NINL: variants seen among roughly 807,000 people sequenced by gnomAD.
NINL encodes ninein like.
In NINL, 153 loss-of-function variants were observed where a neutral mutation model predicts 160.3. The observed-to-expected ratio is 0.95, with a 90% CI of 0.84 to 1.09. The LOEUF is 1.09. Among genes scored for constraint, NINL ranks in the 50% least tolerant of loss-of-function variants. NINL has a pLI of 0.00. For missense variants in NINL, 1,829 were observed against 1,764.0 expected (o/e 1.04, Z -0.66); for synonymous variants, 800 against 734.8 (o/e 1.09, Z -1.43).
chr20:25,554,839 T>C (rs1430491837), intron 1 of NINL, among the ~76,000 whole-genome samples: 1 of 151,972 alleles, frequency 6.6e-6, no homozygotes, highest in Non-Finnish European at 1.5e-5. Context: ...AAAACCTGTG[T>C]CTGGTAACTG....
In NINL at chr20:25,489,296, G is replaced by A; in HGVS notation, c.1625C>T (p.Ala542Val). 1 of 1,613,990 alleles carries A rather than the reference G, an allele frequency of 6.2e-7. No homozygotes were observed. The highest frequency in any genetic ancestry group is 8.5e-7 in the Non-Finnish European group (1 of 1,179,994). Reference protein sequence around the residue: ...KLEPQSAELLAQEERFAAVLK... With the variant: ...KLEPQSAELLVQEERFAAVLK... ...GACTGCTGCGAACCGCTCCTCCTGGGCCAGGAGCTCTGCACTCTGTGGCTC... is the reference window on the plus strand; with the variant it reads ...GACTGCTGCGAACCGCTCCTCCTGGACCAGGAGCTCTGCACTCTGTGGCTC... Residue 542 changes from alanine (A) to valine (V), a missense_variant, in exon 13 of 24, where the codon GCC becomes GTC. Transcript: ENST00000278886.
At chr20:25,551,986 G>A (rs6132843) in intron 1 of NINL, among the ~76,000 whole-genome samples, 3,583 of 152,274 alleles carry the variant, frequency 0.024, 164 homozygotes, top group East Asian at 0.23. Context: ...GGAGGCCATC[G>A]GGAGGTATAC....
chr20:25,489,810 C>T (rs1044126686), intron 12 of NINL, 65 bp downstream of exon 12: 44 of 1,400,614 alleles, frequency 3.1e-5, no homozygotes, highest in South Asian at 8.1e-5. Context: ...TGGCCACCCC[C>T]GCCACCCCCA....
rs746171473 is a variant in NINL at position 25,482,031 on chromosome 20, G to A, written c.1747C>T (p.Arg583Trp). Residue 583 changes from arginine (R) to tryptophan (W), a missense_variant, in exon 14 of 24, where the codon CGG (arginine) becomes TGG (tryptophan). Coordinates refer to ENST00000278886, the MANE Select transcript of NINL (RefSeq NM_025176.6). Reference sequence around the variant, plus strand: ...TCCGGGCTCCATGAGGGGCTGTGCCGGTTCTTGGGCAGCCGCGCCCACAGG... The same window carrying A: ...TCCGGGCTCCATGAGGGGCTGTGCCAGTTCTTGGGCAGCCGCGCCCACAGG... Reference protein sequence around the residue: ...EGLWARLPKNRHSPSWSPDGR... With the variant: ...EGLWARLPKNWHSPSWSPDGR... The A allele has an allele frequency of 2.8e-5, 44 of 1,598,518 alleles. No homozygotes were observed. The highest frequency in any genetic ancestry group is 5.0e-5 in the Admixed American group (3 of 59,996).
rs147527748 is a variant in NINL at position 25,515,046 on chromosome 20, T to A, written c.278-2040A>T. ...AGAGTCCCCACTGGGCACTGCCTAG[T>A]GGAGCTGTGAGAAAAGGGTCACTGT... On this transcript the variant is annotated intron_variant, in intron 3 of 23. Coordinates refer to ENST00000278886, the MANE Select transcript of NINL (RefSeq NM_025176.6). 4.4e-3 allele frequency among the ~76,000 whole-genome samples: 669 copies of A among 152,274 alleles called. 7 individuals are homozygous for A. Among genetic ancestry groups the A allele is most frequent in the African/African-American group, 0.016 (652 of 41,572 alleles).
intron 10 of NINL, 65 bp from the exon 11 acceptor site, chr20:25,491,590 C>A: frequency 6.5e-7 from 1 of 1,547,976 alleles, no homozygotes; most frequent in Non-Finnish European, 8.8e-7. Flanking sequence ...CCACGCCACC[C>A]CCTTCCTAGC....
intron 2 of NINL, among the ~76,000 whole-genome samples, chr20:25,520,350 T>C (rs1042891069): frequency 6.6e-6 from 1 of 152,254 alleles, no homozygotes; most frequent in Non-Finnish European, 1.5e-5. Context: ...GGTCCAAGCA[T>C]GCTTCCAAAA....
intron 1 of NINL, among the ~76,000 whole-genome samples, chr20:25,549,954 T>G (rs1204235593): frequency 6.6e-6 from 1 of 152,060 alleles, no homozygotes; most frequent in African/African-American, 2.4e-5. Flanking sequence ...GCCACAAGAA[T>G]GAAATAAAGT....
chr20:25,455,863 C>T (rs1039854677), intron 22 of NINL, 77 bp from the exon 23 acceptor site: 200 of 1,162,496 alleles, frequency 1.7e-4, no homozygotes, highest in Non-Finnish European at 2.2e-4. Context: ...GAGGCCGAGG[C>T]GGGCGGATCA....
chr20:25,558,704 G>C (rs6132844), intron 1 of NINL, among the ~76,000 whole-genome samples: 147,929 of 152,328 alleles, frequency 0.97, 71,970 homozygotes, highest in Non-Finnish European at 1. Flanking sequence ...TTTTAAAATA[G>C]TTACTTCCCA....
intron 1 of NINL, among the ~76,000 whole-genome samples, chr20:25,552,830 A>G (rs2147100996): frequency 6.6e-6 from 1 of 152,374 alleles, no homozygotes; most frequent in Non-Finnish European, 1.5e-5. Context: ...AGCTTGGAGG[A>G]CAAGTTTGCG....
At chr20:25,584,172 A>G (rs2065203288) in intron 1 of NINL, among the ~76,000 whole-genome samples, 1 of 152,142 alleles carries the variant, frequency 6.6e-6, no homozygotes. Flanking sequence ...AACAAAAACA[A>G]AACAAAACAA....
chr20:25,563,726 A>G (rs1172599502), intron 1 of NINL, among the ~76,000 whole-genome samples: 4 of 152,224 alleles, frequency 2.6e-5, no homozygotes, highest in African/African-American at 9.6e-5. Context: ...TGAGACAGCC[A>G]TATTAATATG....
Position 25,510,727 on chromosome 20 carries a change from T to A in NINL, c.464A>T (p.Asp155Val), listed in dbSNP as rs1434829332. The A allele has an allele frequency of 6.2e-7, 1 of 1,613,710 alleles. No homozygotes were observed. Among genetic ancestry groups the A allele is most frequent in the South Asian group, 1.1e-5 (1 of 91,048 alleles). The change falls in exon 5 of 24, where the codon GAT (aspartate) becomes GTT (valine). Residue 155 changes from aspartate to valine, a missense_variant. Asp to Val is a radical substitution (Grantham distance 152). Coordinates refer to ENST00000278886, the MANE Select transcript of NINL (RefSeq NM_025176.6). ...SLESVESPKSDEEAESTKEAQ... is the reference protein window; with the variant it reads ...SLESVESPKSVEEAESTKEAQ... ...TTCTTTAGTGCTCTCGGCCTCTTCA[T>A]CTGACTTGGGACTCTGTAGAAAGAT...
At position 25,504,107 on chromosome 20, in the gene NINL, A is replaced by C. The variant is rs1323382551; in HGVS notation, c.709-3T>G. 1 of 1,561,540 alleles carries C rather than the reference A, an allele frequency of 6.4e-7. No homozygotes were observed. Among genetic ancestry groups the C allele is most frequent in the Admixed American group, 1.9e-5 (1 of 53,358 alleles). On this transcript the variant is annotated splice_region_variant and splice_polypyrimidine_tract_variant and intron_variant, in intron 6 of 23. Transcript: ENST00000278886. ...TTGTTAAACAGGTCTTCGAGTTCCTAAACAAAAGCCGTCATATCTCAGGCC... is the reference window on the plus strand; with the variant it reads ...TTGTTAAACAGGTCTTCGAGTTCCTCAACAAAAGCCGTCATATCTCAGGCC...
intron 1 of NINL, among the ~76,000 whole-genome samples, chr20:25,565,848 C>A (rs779509341): frequency 6.6e-6 from 1 of 152,178 alleles, no homozygotes; most frequent in Non-Finnish European, 1.5e-5. Context: ...ATCTGCTGAG[C>A]TGCCATGCAC....
At chr20:25,484,786 T>C (rs1465788900) in intron 13 of NINL, among the ~76,000 whole-genome samples, 1 of 152,200 alleles carries the variant, frequency 6.6e-6, no homozygotes, top group African/African-American at 2.4e-5. Context: ...GAATCACCAG[T>C]GATGCTAAAT....
At chr20:25,472,174 A>G (rs2063109203) in intron 17 of NINL, among the ~76,000 whole-genome samples, 1 of 151,906 alleles carries the variant, frequency 6.6e-6, no homozygotes, top group Admixed American at 6.6e-5. Context: ...AGCTGAAAGA[A>G]AGAGATACTG....
intron 17 of NINL, among the ~76,000 whole-genome samples, chr20:25,474,467 A>C (rs1488390078): frequency 6.6e-6 from 1 of 152,262 alleles, no homozygotes; most frequent in Non-Finnish European, 1.5e-5. Context: ...CACGGACAGC[A>C]GACATTCCAA....
Sources: allele counts gnomAD v4.1 joint callset (sites outside exome capture counted in the v4.1 genomes callset), GRCh38; gene constraint gnomAD v4.1.1; transcripts MANE v1.5; gene names NCBI Gene and HGNC (gene_info 2026-07-23, HGNC 2026-07-21).